SYT1: variants seen among roughly 807,000 people sequenced by gnomAD.
The protein encoded by SYT1 is synaptotagmin 1, also known as synaptotagmin-1.
A neutral mutation model predicts 44.8 loss-of-function variants in SYT1; 8 were observed. The observed-to-expected ratio is 0.18, with a 90% CI of 0.10 to 0.32. The LOEUF is 0.32. SYT1 is among the 10% of genes least tolerant of loss of function. SYT1 has a pLI of 1.00. For synonymous variants in SYT1, 154 were observed against 188.8 expected, an observed-to-expected ratio of 0.82 and a Z score of 1.51; for missense variants, 286 against 509.3, an observed-to-expected ratio of 0.56 and a Z score of 4.22.
At chr12:79,448,821 T>C in intron 10 of SYT1, 97 bp from the exon 11 acceptor site, 1 of 1,055,364 alleles carries the variant, frequency 9.5e-7, no homozygotes, top group East Asian at 2.4e-5. Context: ...GGAGATTGAT[T>C]CTTCTATTTC....
intron 3 of SYT1, among the ~76,000 whole-genome samples, chr12:79,102,595 C>G (rs1423983230): frequency 1.3e-5 from 2 of 152,218 alleles, no homozygotes; most frequent in African/African-American, 4.8e-5. Context: ...CAGGACAGCA[C>G]ACATCTCAAC....
chr12:79,023,941 AG>A (rs201235441), intron 2 of SYT1, among the ~76,000 whole-genome samples: 11,221 of 151,836 alleles, frequency 0.074, 518 homozygotes, highest in East Asian at 0.15. Context: ...ATATAACCAC[AG>A]TACAGTGGTC....
At chr12:79,290,428 C>T (rs1879524308) in intron 5 of SYT1, among the ~76,000 whole-genome samples, 3 of 152,170 alleles carry the variant, frequency 2.0e-5, no homozygotes, top group South Asian at 2.1e-4. Flanking sequence ...CCTGAGAATG[C>T]TGAACACAGC....
chr12:79,121,333 G>C (rs1265682752), intron 3 of SYT1, among the ~76,000 whole-genome samples: 1 of 152,130 alleles, frequency 6.6e-6, no homozygotes, highest in African/African-American at 2.4e-5. Context: ...TTGTTCTGCA[G>C]GAGTAGATAG....
chr12:78,962,257 C>A (rs1366935657), intron 1 of SYT1, among the ~76,000 whole-genome samples: 1 of 150,952 alleles, frequency 6.6e-6, no homozygotes, highest in Non-Finnish European at 1.5e-5. Flanking sequence ...TTGTTACAAA[C>A]GTTAAATAAC....
chr12:79,077,800 G>T (rs544255493), intron 3 of SYT1, among the ~76,000 whole-genome samples: 1 of 152,008 alleles, frequency 6.6e-6, no homozygotes, highest in Non-Finnish European at 1.5e-5. Context: ...AATAAGCATT[G>T]GGCCATTCAG....
At position 79,108,900 on chromosome 12, in the gene SYT1, T is replaced by C. The variant is rs1039864243; in HGVS notation, c.-18+61538T>C. Among the ~76,000 whole-genome samples, 3 of 152,316 alleles carry C rather than the reference T, an allele frequency of 2.0e-5. No individual in the cohort carries two copies. In the South Asian group the frequency reaches 6.2e-4, roughly 32 times the overall value. On this transcript the variant is annotated intron_variant, in intron 3 of 10. Coordinates refer to ENST00000261205, the MANE Select transcript of SYT1 (RefSeq NM_005639.3). Reference sequence around the variant, plus strand: ...ACACAATGTCTTCTCATAAGGATAGTAGATGGTATATATAGTAATAACTAT... The same window carrying C: ...ACACAATGTCTTCTCATAAGGATAGCAGATGGTATATATAGTAATAACTAT...
intron 1 of SYT1, among the ~76,000 whole-genome samples, chr12:78,885,738 G>A (rs1436934836): frequency 6.6e-6 from 1 of 151,942 alleles, no homozygotes; most frequent in Admixed American, 6.6e-5. Flanking sequence ...GGTGACTATG[G>A]TTTTTATTTG....
rs1335368943 is a variant in SYT1 at position 79,444,953 on chromosome 12, T to G, written c.1062+747T>G. Among the ~76,000 whole-genome samples, 5 of 152,262 alleles carry G rather than the reference T, an allele frequency of 3.3e-5. No individual in the cohort carries two copies. In the East Asian group the frequency reaches 5.8e-4, roughly 18 times the overall value. On this transcript the variant is annotated intron_variant, in intron 10 of 10. Transcript: ENST00000261205. ...ATCTAAAGATAATATCCAATAATTTTGGGCCATTTCTTGCAAATCTTTAAT... is the reference window on the plus strand; with the variant it reads ...ATCTAAAGATAATATCCAATAATTTGGGGCCATTTCTTGCAAATCTTTAAT...
intron 9 of SYT1, among the ~76,000 whole-genome samples, chr12:79,369,525 G>A (rs1270076186): frequency 6.6e-6 from 1 of 152,146 alleles, no homozygotes; most frequent in Non-Finnish European, 1.5e-5. Flanking sequence ...ATTTCAGCCT[G>A]ATCCATATTG....
intron 3 of SYT1, among the ~76,000 whole-genome samples, chr12:79,191,755 C>T (rs904727784): frequency 6.6e-6 from 1 of 152,056 alleles, no homozygotes. Context: ...GGACTTCACA[C>T]ATACATAACA....
intron 3 of SYT1, among the ~76,000 whole-genome samples, chr12:79,147,275 A>G (rs1376467324): frequency 2.6e-5 from 4 of 152,232 alleles, no homozygotes; most frequent in Admixed American, 6.5e-5. Context: ...CTTAGCTAAT[A>G]TAATATTTAT....
At chr12:79,231,148 G>A (rs1218102496) in intron 4 of SYT1, among the ~76,000 whole-genome samples, 1 of 152,066 alleles carries the variant, frequency 6.6e-6, no homozygotes, top group African/African-American at 2.4e-5. Flanking sequence ...ATTAAATTGA[G>A]TAAAGAATTT....
At chr12:79,189,920 ATAACT>A (rs1873014697) in intron 3 of SYT1, among the ~76,000 whole-genome samples, 1 of 152,176 alleles carries the variant, frequency 6.6e-6, no homozygotes, top group African/African-American at 2.4e-5. Context: ...ATAAATATAA[ATAACT>A]TAAATAAGCA....
At chr12:79,379,307 C>T (rs565004872) in intron 9 of SYT1, among the ~76,000 whole-genome samples, 2 of 152,140 alleles carry the variant, frequency 1.3e-5, no homozygotes, top group African/African-American at 4.8e-5. Context: ...GAAACCCTGT[C>T]GTTTTTTAAA....
At chr12:79,117,327 C>T (rs1349992824) in intron 3 of SYT1, among the ~76,000 whole-genome samples, 4 of 151,856 alleles carry the variant, frequency 2.6e-5, no homozygotes, top group Non-Finnish European at 4.4e-5. Flanking sequence ...ATTATCCATG[C>T]GGACCCACAA....
At chr12:79,007,335 G>A (rs527759075) in intron 2 of SYT1, among the ~76,000 whole-genome samples, 1 of 152,104 alleles carries the variant, frequency 6.6e-6, no homozygotes, top group African/African-American at 2.4e-5. Context: ...TAGTTTATTC[G>A]GGTATTTAAA....
chr12:78,964,949 A>T lies in SYT1; in HGVS notation c.-216-12850A>T, dbSNP rs1303143707. Among the ~76,000 whole-genome samples the T allele has an allele frequency of 2.0e-5, 3 of 152,032 alleles. No homozygotes were observed. The East Asian group carries it at 5.8e-4, about 29-fold the overall frequency. ...GTTTAGAATTCTATAAAATTATAAAATACTGATGTAAATAATAATATTTTA... is the reference window on the plus strand; with the variant it reads ...GTTTAGAATTCTATAAAATTATAAATTACTGATGTAAATAATAATATTTTA... On this transcript the variant is annotated intron_variant, in intron 1 of 10. Coordinates refer to ENST00000261205, the MANE Select transcript of SYT1 (RefSeq NM_005639.3).
chr12:79,268,368 C>A (rs192574318), intron 4 of SYT1, among the ~76,000 whole-genome samples: 16 of 152,060 alleles, frequency 1.1e-4, no homozygotes, highest in Middle Eastern at 3.2e-3. Flanking sequence ...AATCCATTAA[C>A]CATGGATTAA....
Sources: allele counts gnomAD v4.1 joint callset (sites outside exome capture counted in the v4.1 genomes callset), GRCh38; gene constraint gnomAD v4.1.1; transcripts MANE v1.5; gene names NCBI Gene and HGNC (gene_info 2026-07-23, HGNC 2026-07-21).